PGCKA1: variants seen among roughly 807,000 people sequenced by gnomAD.
PGCKA1 encodes PDCD10 and GCKIII kinases-associated protein 1.
chr4:37,578,348 C>G, the PGCKA1 span, among the ~76,000 whole-genome samples: 1 of 152,154 alleles, frequency 6.6e-6, no homozygotes, highest in Admixed American at 6.5e-5. Flanking sequence ...TCTATTTTGT[C>G]TGACATAAGT....
chr4:37,454,161 T>A, the PGCKA1 span: 23,777 of 152,312 alleles, frequency 0.16, 2,400 homozygotes, highest in Non-Finnish European at 0.21. Context: ...AATTTCTTGA[T>A]TTGCTTTTGC....
the PGCKA1 span, among the ~76,000 whole-genome samples, chr4:37,544,949 G>A: frequency 9.9e-5 from 15 of 151,442 alleles, no homozygotes; most frequent in East Asian, 5.8e-4. Context: ...TCTGCCCCCC[G>A]GGTTCAAGTG....
the PGCKA1 span, among the ~76,000 whole-genome samples, chr4:37,546,237 C>G: frequency 6.6e-6 from 1 of 152,146 alleles, no homozygotes; most frequent in Non-Finnish European, 1.5e-5. Context: ...GTTTTATACT[C>G]AGTACCTGTT....
the PGCKA1 span, among the ~76,000 whole-genome samples, chr4:37,584,038 C>T: frequency 1.3e-5 from 2 of 152,156 alleles, no homozygotes; most frequent in Non-Finnish European, 2.9e-5. Context: ...ATGCTAGACC[C>T]GGAGCATTTC....
chr4:37,545,573 G>A, the PGCKA1 span, among the ~76,000 whole-genome samples: 39 of 152,202 alleles, frequency 2.6e-4, no homozygotes, highest in Non-Finnish European at 3.1e-4. Flanking sequence ...TTGTTTTCCA[G>A]AGTGCTGATT....
chr4:37,587,607 C>G, the PGCKA1 span, among the ~76,000 whole-genome samples: 3 of 152,170 alleles, frequency 2.0e-5, no homozygotes, highest in Non-Finnish European at 4.4e-5. Context: ...AATGATGTCT[C>G]TTTCTGGTGC....
the PGCKA1 span, among the ~76,000 whole-genome samples, chr4:37,508,774 A>C: frequency 1.3e-5 from 2 of 149,424 alleles, no homozygotes; most frequent in Admixed American, 1.4e-4. Context: ...GAAGGTCAGC[A>C]GATAAACAAG....
chr4:37,515,032 G>A, the PGCKA1 span, among the ~76,000 whole-genome samples: 1 of 152,308 alleles, frequency 6.6e-6, no homozygotes, highest in South Asian at 2.1e-4. Flanking sequence ...GAATGTTTAT[G>A]TCTCTCCAAA....
chr4:37,472,864 ATGTT>A, the PGCKA1 span, among the ~76,000 whole-genome samples: 77 of 152,276 alleles, frequency 5.1e-4, no homozygotes, highest in African/African-American at 1.7e-3. Flanking sequence ...ATCCAGTTGT[ATGTT>A]CTATACTATC....
the PGCKA1 span, among the ~76,000 whole-genome samples, chr4:37,462,258 CTA>C: frequency 4.6e-5 from 7 of 152,280 alleles, no homozygotes; most frequent in Admixed American, 4.6e-4. Context: ...CCTGTGATAT[CTA>C]TGTAGGTAGG....
the PGCKA1 span, among the ~76,000 whole-genome samples, chr4:37,528,065 T>C: frequency 2.0e-5 from 3 of 152,190 alleles, no homozygotes; most frequent in Admixed American, 1.3e-4. Context: ...AATACTGATA[T>C]CTGGCTTCAT....
At chr4:37,503,617 T>A in the PGCKA1 span, among the ~76,000 whole-genome samples, 3 of 152,244 alleles carry the variant, frequency 2.0e-5, no homozygotes, top group Non-Finnish European at 2.9e-5. Context: ...CAGTATTTGT[T>A]ATTGCCTCTT....
At chr4:37,474,224 T>C in the PGCKA1 span, among the ~76,000 whole-genome samples, 4 of 152,186 alleles carry the variant, frequency 2.6e-5, no homozygotes, top group African/African-American at 9.7e-5. Flanking sequence ...GGAAGAGTTC[T>C]GGCCCTCTTC....
the PGCKA1 span, among the ~76,000 whole-genome samples, chr4:37,518,712 T>C: frequency 7.1e-4 from 108 of 152,340 alleles, no homozygotes; most frequent in African/African-American, 2.5e-3. Flanking sequence ...TTTCTCCCAT[T>C]CTGTGGGTTG....
chr4:37,560,094 A>G, the PGCKA1 span, among the ~76,000 whole-genome samples: 1 of 152,152 alleles, frequency 6.6e-6, no homozygotes, highest in Non-Finnish European at 1.5e-5. Context: ...AGTCATCCTC[A>G]CTTCCACTAC....
the PGCKA1 span, among the ~76,000 whole-genome samples, chr4:37,535,592 C>T: frequency 6.6e-6 from 1 of 152,152 alleles, no homozygotes; most frequent in East Asian, 1.9e-4. Context: ...TCAGGTCTCC[C>T]ACAACCAAGA....
the PGCKA1 span, among the ~76,000 whole-genome samples, chr4:37,563,152 G>A: frequency 0.49 from 74,722 of 151,952 alleles, 18,928 homozygotes; most frequent in East Asian, 0.67. Flanking sequence ...TAAAATAGTT[G>A]GGTGGGATAA....
chr4:37,565,378 G>A, the PGCKA1 span, among the ~76,000 whole-genome samples: 1 of 152,128 alleles, frequency 6.6e-6, no homozygotes, highest in African/African-American at 2.4e-5. Context: ...GTAGAAGGGG[G>A]GGCTCTGAGA....
chr4:37,521,894 T>C, the PGCKA1 span, among the ~76,000 whole-genome samples: 3 of 152,232 alleles, frequency 2.0e-5, no homozygotes, highest in Non-Finnish European at 4.4e-5. Context: ...ATATTTAAAA[T>C]TGTTATATCC....
Sources: gnomAD v4.1 joint callset for allele counts (sites outside exome capture counted in the v4.1 genomes callset) on GRCh38, gnomAD v4.1.1 for gene constraint, MANE v1.5 for transcripts, NCBI Gene and HGNC (gene_info 2026-07-23, HGNC 2026-07-21) for gene names.